Variants in CORO1C observed in about 807,000 individuals in gnomAD.
CORO1C encodes coronin 1C, also known as coronin-1C.
In CORO1C, 14 loss-of-function variants were observed where a neutral mutation model predicts 51.2. The observed-to-expected ratio is 0.27, with a 90% CI of 0.18 to 0.43. The LOEUF is 0.43. Among genes scored for constraint, CORO1C ranks in the 20% least tolerant of loss-of-function variants. The pLI is 1.00. For missense variants in CORO1C, 417 were observed against 607.8 expected (o/e 0.69, Z 3.30); for synonymous variants, 181 against 210.5 (o/e 0.86, Z 1.21).
chr12:108,651,028 G>A (rs771296011), intron 8 of CORO1C, among the ~76,000 whole-genome samples: 6 of 152,118 alleles, frequency 3.9e-5, no homozygotes, highest in Non-Finnish European at 7.4e-5. Flanking sequence ...GCACCATCTC[G>A]GCTCACTCCG....
At position 108,647,231 on chromosome 12, in the gene CORO1C, G is replaced by C. The variant is rs1407930314; in HGVS notation, c.*172C>G. 1 of 521,828 alleles carries C rather than the reference G, an allele frequency of 1.9e-6. No individual in the cohort carries two copies. The highest frequency in any genetic ancestry group is 3.3e-6 in the Non-Finnish European group (1 of 302,192). The allele number at this position is 521,828 out of a possible 1,614,324, so 32.3% of individuals were successfully genotyped here. On this transcript the variant is annotated 3_prime_UTR_variant, in exon 11 of 11. Transcript: ENST00000261401. Reference sequence around the variant, plus strand: ...ACGTTTTGTTTCTGCAAATTTGGGAGACAAATTGAGTTCTTACTGGAATGT... The same window carrying C: ...ACGTTTTGTTTCTGCAAATTTGGGACACAAATTGAGTTCTTACTGGAATGT...
intron 2 of CORO1C, among the ~76,000 whole-genome samples, chr12:108,695,749 T>G (rs1400144065): frequency 6.8e-6 from 1 of 148,018 alleles, no homozygotes; most frequent in Non-Finnish European, 1.5e-5. Flanking sequence ...CTAGGTTCTA[T>G]AAGAAATTAA....
At chr12:108,695,868 A>AC (rs1437539453) in intron 2 of CORO1C, among the ~76,000 whole-genome samples, 2 of 151,746 alleles carry the variant, frequency 1.3e-5, no homozygotes, top group Non-Finnish European at 2.9e-5. Context: ...AAAAAAAAAA[A>AC]AAAAAAACAG....
intron 1 of CORO1C, among the ~76,000 whole-genome samples, chr12:108,719,390 C>T (rs753609103): frequency 1.3e-5 from 2 of 152,140 alleles, no homozygotes; most frequent in Non-Finnish European, 1.5e-5. Context: ...GACCACTTAT[C>T]GTGAATACAA....
intron 3 of CORO1C, among the ~76,000 whole-genome samples, chr12:108,665,286 C>T (rs2033430166): frequency 6.6e-6 from 1 of 152,142 alleles, no homozygotes; most frequent in South Asian, 2.1e-4. Context: ...AATAAGGAAA[C>T]TCTGTGTGTT....
At chr12:108,675,051 T>C (rs555578105) in intron 3 of CORO1C, among the ~76,000 whole-genome samples, 3 of 152,296 alleles carry the variant, frequency 2.0e-5, no homozygotes, top group East Asian at 3.9e-4. Context: ...ACAAACTTTA[T>C]TGTCGTGGTC....
At chr12:108,688,563 T>C (rs929291069) in intron 2 of CORO1C, among the ~76,000 whole-genome samples, 1 of 152,250 alleles carries the variant, frequency 6.6e-6, no homozygotes, top group African/African-American at 2.4e-5. Context: ...TAATTATTTC[T>C]GACCCACATA....
intron 1 of CORO1C, among the ~76,000 whole-genome samples, chr12:108,712,541 C>T (rs148387076): frequency 6.3e-4 from 92 of 145,898 alleles, no homozygotes; most frequent in African/African-American, 2.3e-3. Flanking sequence ...GCCACTACAC[C>T]CCAGCCTGAA....
intron 1 of CORO1C, among the ~76,000 whole-genome samples, chr12:108,702,242 T>G (rs10507232): frequency 6.6e-6 from 1 of 152,094 alleles, no homozygotes; most frequent in Admixed American, 6.5e-5. Context: ...GCAGTAACAG[T>G]TGGGACCTAG....
chr12:108,705,691 C>G (rs7135100), intron 1 of CORO1C, among the ~76,000 whole-genome samples: 1,880 of 152,156 alleles, frequency 0.012, 32 homozygotes, highest in African/African-American at 0.042. Context: ...ACCAATATCT[C>G]TTATGAATAC....
chr12:108,701,984 T>A (rs2034885366), intron 1 of CORO1C: 1 of 154,208 alleles, frequency 6.5e-6, no homozygotes, highest in Non-Finnish European at 1.4e-5. Flanking sequence ...CGCCTAGTGC[T>A]AAGTGGTACA....
chr12:108,673,426 C>T (rs2033790135), intron 3 of CORO1C, among the ~76,000 whole-genome samples: 1 of 152,198 alleles, frequency 6.6e-6, no homozygotes, highest in Admixed American at 6.5e-5. Flanking sequence ...ACGAAAGACG[C>T]CATCTCCATT....
intron 3 of CORO1C, among the ~76,000 whole-genome samples, chr12:108,671,884 T>A (rs1592878059): frequency 1.3e-5 from 2 of 152,092 alleles, no homozygotes; most frequent in African/African-American, 4.8e-5. Context: ...CACCTCAGGC[T>A]CCCAAGCAGC....
intron 8 of CORO1C, among the ~76,000 whole-genome samples, chr12:108,651,592 C>T (rs1213478203): frequency 6.6e-6 from 1 of 152,134 alleles, no homozygotes; most frequent in Non-Finnish European, 1.5e-5. Flanking sequence ...GTAGGAAAAC[C>T]ACCCACTTTT....
intron 2 of CORO1C, among the ~76,000 whole-genome samples, chr12:108,682,055 T>A (rs1438574854): frequency 7.9e-6 from 1 of 127,334 alleles, no homozygotes; most frequent in South Asian, 2.5e-4. Flanking sequence ...TGGGGGTGGG[T>A]GGGGGTGGAG....
chr12:108,708,104 A>G (rs1269777449), intron 1 of CORO1C, among the ~76,000 whole-genome samples: 1 of 152,230 alleles, frequency 6.6e-6, no homozygotes, highest in Admixed American at 6.5e-5. Context: ...CATTATCATA[A>G]GACCCAGCAA....
Position 108,647,237 on chromosome 12 carries a change from T to C in CORO1C, c.*166A>G, listed in dbSNP as rs1020037510. Reference sequence around the variant, plus strand: ...TGTTTCTGCAAATTTGGGAGACAAATTGAGTTCTTACTGGAATGTGGCCTA... The same window carrying C: ...TGTTTCTGCAAATTTGGGAGACAAACTGAGTTCTTACTGGAATGTGGCCTA... On this transcript the variant is annotated 3_prime_UTR_variant, in exon 11 of 11. Coordinates refer to ENST00000261401, the MANE Select transcript of CORO1C (RefSeq NM_014325.4). The C allele has an allele frequency of 7.4e-6, 4 of 542,480 alleles. No individual in the cohort carries two copies. Among genetic ancestry groups the C allele is most frequent in the Non-Finnish European group, 1.3e-5 (4 of 316,720 alleles). 33.6% of individuals were successfully genotyped at this position (542,480 alleles called of 1,614,324 possible).
chr12:108,730,697 C>T (rs2035700547), intron 1 of CORO1C: 2 of 153,774 alleles, frequency 1.3e-5, no homozygotes. Flanking sequence ...CCTCCCCTCC[C>T]AACCCCCAGC....
At chr12:108,659,399 T>G (rs923515198) in intron 4 of CORO1C, among the ~76,000 whole-genome samples, 6 of 152,216 alleles carry the variant, frequency 3.9e-5, no homozygotes, top group Non-Finnish European at 8.8e-5. Context: ...TTTCCCCTGC[T>G]ATACAATTAG....
Sources: gnomAD v4.1 joint callset for allele counts (sites outside exome capture counted in the v4.1 genomes callset) on GRCh38, gnomAD v4.1.1 for gene constraint, MANE v1.5 for transcripts, NCBI Gene and HGNC (gene_info 2026-07-23, HGNC 2026-07-21) for gene names.